WWP1: variants seen among roughly 807,000 people sequenced by gnomAD.
WWP1 encodes WW domain containing E3 ubiquitin protein ligase 1.
Under a neutral mutation model 130.6 loss-of-function variants are expected in WWP1, and 49 were observed. The ratio of observed to expected loss-of-function variants is 0.38; its 90% CI spans 0.30 to 0.48. The LOEUF is 0.48. WWP1 is among the 20% of genes least tolerant of loss of function. The pLI, the probability that WWP1 is intolerant of heterozygous loss-of-function variation, is 0.99. For missense variants in WWP1, 809 were observed against 1,100.6 expected (o/e 0.74, Z 3.75); for synonymous variants, 332 against 367.8 (o/e 0.90, Z 1.11).
At chr8:86,362,089 T>C (rs546249987) in intron 1 of WWP1, among the ~76,000 whole-genome samples, 4 of 127,046 alleles carry the variant, frequency 3.1e-5, no homozygotes, top group East Asian at 2.0e-4. Flanking sequence ...TATACACACA[T>C]ATATATATAC....
chr8:86,349,664 C>T (rs1176557880), intron 1 of WWP1, among the ~76,000 whole-genome samples: 2 of 152,028 alleles, frequency 1.3e-5, no homozygotes, highest in African/African-American at 4.8e-5. Context: ...AATGGGAATA[C>T]CTAGCACTCT....
chr8:86,458,795 C>G (rs1405861300), intron 22 of WWP1, among the ~76,000 whole-genome samples: 2 of 151,934 alleles, frequency 1.3e-5, no homozygotes, highest in African/African-American at 4.8e-5. Flanking sequence ...GAGTTTATTG[C>G]TTGATATTTT....
intron 9 of WWP1, among the ~76,000 whole-genome samples, chr8:86,415,353 A>C (rs1258552720): frequency 2.6e-5 from 4 of 152,042 alleles, no homozygotes; most frequent in Non-Finnish European, 4.4e-5. Flanking sequence ...AAACCCATAC[A>C]CTTCCCACTA....
chr8:86,461,348 T>A (rs1265342589), intron 23 of WWP1, 28 bp downstream of exon 23: 6 of 1,583,982 alleles, frequency 3.8e-6, no homozygotes, highest in Non-Finnish European at 5.2e-6. Flanking sequence ...GTAATTTCTC[T>A]GTACGTAATT....
At chr8:86,366,415 A>G (rs530977471) in intron 1 of WWP1, among the ~76,000 whole-genome samples, 205 of 152,278 alleles carry the variant, frequency 1.3e-3, no homozygotes, top group African/African-American at 4.8e-3. Context: ...AGTGGTGATG[A>G]TATGGACAGA....
chr8:86,368,066 T>C (rs1300379798), intron 1 of WWP1, among the ~76,000 whole-genome samples: 1 of 152,220 alleles, frequency 6.6e-6, no homozygotes, highest in East Asian at 1.9e-4. Context: ...TCTTTTGAAC[T>C]GCATATCCAA....
chr8:86,427,151 G>T (rs1347901615), intron 10 of WWP1, among the ~76,000 whole-genome samples: 1 of 146,976 alleles, frequency 6.8e-6, no homozygotes, highest in Non-Finnish European at 1.5e-5. Flanking sequence ...TGACAAGAGC[G>T]AAACGCCATC....
At chr8:86,344,196 A>G (rs1273490590) in intron 1 of WWP1, among the ~76,000 whole-genome samples, 1 of 152,210 alleles carries the variant, frequency 6.6e-6, no homozygotes, top group East Asian at 1.9e-4. Context: ...ATTGGGAGCT[A>G]CTCAGATTGA....
chr8:86,349,868 A>G (rs543417948), intron 1 of WWP1, among the ~76,000 whole-genome samples: 10 of 152,112 alleles, frequency 6.6e-5, no homozygotes, highest in Admixed American at 1.3e-4. Flanking sequence ...CATCCCATGC[A>G]GAAAATGGGC....
chr8:86,359,373 C>A (rs544314340), intron 1 of WWP1, among the ~76,000 whole-genome samples: 2 of 152,044 alleles, frequency 1.3e-5, no homozygotes, highest in Admixed American at 1.3e-4. Context: ...AAAAGTCTTG[C>A]CTATGGGGAT....
intron 20 of WWP1, 47 bp downstream of exon 20, chr8:86,448,560 A>T: frequency 1.3e-6 from 2 of 1,565,784 alleles, no homozygotes; most frequent in Non-Finnish European, 1.7e-6. Context: ...ACACTTCAGA[A>T]CTAAATCCTC....
chr8:86,454,501 A>G (rs1340386264), intron 21 of WWP1, among the ~76,000 whole-genome samples: 2 of 152,132 alleles, frequency 1.3e-5, no homozygotes, highest in African/African-American at 4.8e-5. Context: ...ACATATTAGA[A>G]GATTAGCATG....
At position 86,448,454 on chromosome 8, in the gene WWP1, C is replaced by G; in HGVS notation, c.2214C>G (p.Asp738Glu). 6.2e-7 allele frequency: 1 copy of G among 1,613,554 alleles called. No homozygotes were observed. Among genetic ancestry groups the G allele is most frequent in the Non-Finnish European group, 8.5e-7 (1 of 1,179,756 alleles). ...TTTTGGGAAAAGTTACTTCACATGA[C>G]CTGAAGTTGGGAGGTTCCAATATTC... The part of the protein sequence containing the change: ...MEILGKVTSH[D>E]LKLGGSNILV... The change falls in exon 20 of 25, where the codon GAC becomes GAG. Residue 738 changes from aspartate (D) to glutamate (E), a missense_variant. Around this residue, in one of 3 missense-constraint regions of WWP1, gnomAD observed 450 missense variants for 674.2 expected, o/e 0.67. Coordinates refer to ENST00000517970, the MANE Select transcript of WWP1 (RefSeq NM_007013.4).
chr8:86,418,698 A>G (rs1030896567), intron 9 of WWP1, among the ~76,000 whole-genome samples: 2 of 152,194 alleles, frequency 1.3e-5, no homozygotes, highest in African/African-American at 4.8e-5. Context: ...GGGTTTTCTC[A>G]CTGGAGATAC....
intron 1 of WWP1, among the ~76,000 whole-genome samples, chr8:86,361,011 G>A (rs7830128): frequency 0.42 from 64,559 of 152,042 alleles, 15,084 homozygotes; most frequent in Non-Finnish European, 0.53. Flanking sequence ...AGAGGAGAAG[G>A]AAGAGGTGGG....
chr8:86,348,008 A>G (rs1422793975), intron 1 of WWP1, among the ~76,000 whole-genome samples: 5 of 152,164 alleles, frequency 3.3e-5, no homozygotes, highest in Non-Finnish European at 1.5e-5. Flanking sequence ...TTATTTTTGT[A>G]TTAGATCATA....
chr8:86,430,596 AATT>A (rs1809883708), intron 11 of WWP1, 98 bp from the exon 12 acceptor site: 1 of 987,690 alleles, frequency 1.0e-6, no homozygotes, highest in Non-Finnish European at 1.4e-6. Context: ...ATTTTTAGAA[AATT>A]ATTATAAAAT....
chr8:86,455,192 A>AATC (rs750607666), intron 21 of WWP1, among the ~76,000 whole-genome samples: 4 of 152,008 alleles, frequency 2.6e-5, no homozygotes, highest in Non-Finnish European at 5.9e-5. Flanking sequence ...TGATAAAGGG[A>AATC]ATCATCATCA....
chr8:86,353,559 C>G (rs955375046), intron 1 of WWP1, among the ~76,000 whole-genome samples: 2 of 152,070 alleles, frequency 1.3e-5, no homozygotes, highest in African/African-American at 4.8e-5. Context: ...GTGGTGCAGT[C>G]TCAGCTCACT....
Sources: gnomAD v4.1 joint callset for allele counts (sites outside exome capture counted in the v4.1 genomes callset) on GRCh38, gnomAD v4.1.1 for gene constraint, gnomAD v4.1.1 regional missense constraint, MANE v1.5 for transcripts, NCBI Gene and HGNC (gene_info 2026-07-23, HGNC 2026-07-21) for gene names.